XKR9: variants seen among roughly 807,000 people sequenced by gnomAD.
The protein encoded by XKR9 is XK related 9.
In XKR9, 32 loss-of-function variants were observed where a neutral mutation model predicts 32.0. That is an observed-to-expected ratio of 1.00 (90% CI 0.76 to 1.34). The LOEUF (loss-of-function observed/expected upper bound fraction) is 1.34, where lower values mean the gene tolerates loss of function less well. Ranked by LOEUF, XKR9 falls within the 40% of genes most tolerant of loss-of-function variation. XKR9 has a pLI of 0.00. For synonymous variants in XKR9, 168 were observed against 143.4 expected (o/e 1.17, Z -1.22); for missense variants, 546 against 429.7 (o/e 1.27, Z -2.39).
the XKR9 span, among the ~76,000 whole-genome samples, chr8:70,895,419 T>G: frequency 6.6e-6 from 1 of 152,204 alleles, no homozygotes; most frequent in Non-Finnish European, 1.5e-5. Context: ...TAATTGGCTC[T>G]CTTGCTGATG....
downstream of XKR9, among the ~76,000 whole-genome samples, chr8:70,738,689 C>T (rs1393164970): frequency 6.6e-6 from 1 of 151,970 alleles, no homozygotes; most frequent in Non-Finnish European, 1.5e-5. Flanking sequence ...TCGTTGGTTT[C>T]AAAGAACATC....
At position 70,733,885 on chromosome 8, in the gene XKR9, C is replaced by G. The variant is rs150221286; in HGVS notation, c.583C>G (p.Leu195Val). 1.9e-6 allele frequency: 3 copies of G among 1,611,374 alleles called. No individual in the cohort carries two copies. In the African/African-American group the frequency reaches 4.0e-5, roughly 22 times the overall value. Residue 195 changes from leucine to valine, a missense_variant, in exon 5 of 5, where the codon CTT becomes GTT. By Grantham distance (32) the Leu-to-Val change is conservative. Coordinates refer to ENST00000408926, the MANE Select transcript of XKR9 (RefSeq NM_001011720.2). ...ALRKSLPDKK[L>V]LNGLCPKITY... ...AAGAAAATCCTTGCCTGACAAAAAG[C>G]TTCTTAATGGATTATGTCCCAAAAT...
At chr8:70,845,867 C>G in the XKR9 span, among the ~76,000 whole-genome samples, 3 of 152,022 alleles carry the variant, frequency 2.0e-5, no homozygotes, top group African/African-American at 7.2e-5. Context: ...AGACCAAAGG[C>G]ATAGAAAATC....
chr8:70,957,849 A>G, the XKR9 span, among the ~76,000 whole-genome samples: 1 of 126,560 alleles, frequency 7.9e-6, no homozygotes, highest in Admixed American at 1.0e-4. Context: ...GTGCAGTGGC[A>G]TGATCTCGGC....
chr8:70,913,473 A>G, the XKR9 span, among the ~76,000 whole-genome samples: 1 of 152,148 alleles, frequency 6.6e-6, no homozygotes, highest in Non-Finnish European at 1.5e-5. Flanking sequence ...TACTCCCTCT[A>G]TGTATTTCTA....
At chr8:70,741,700 A>G (rs2130164176) in intron 2 of XKR9, among the ~76,000 whole-genome samples, 1 of 152,360 alleles carries the variant, frequency 6.6e-6, no homozygotes, top group East Asian at 1.9e-4. Context: ...TATTGTGAAT[A>G]GTGCAACAGT....
At position 70,669,368 on chromosome 8, in the gene XKR9, C is replaced by T. The variant is rs1818611024; in HGVS notation, c.-531C>T. On this transcript the variant is annotated 5_prime_UTR_variant, in exon 1 of 5. Coordinates refer to ENST00000408926, the MANE Select transcript of XKR9 (RefSeq NM_001011720.2). The stretch of plus-strand genomic sequence containing the variant: ...GTCACGTGACGCCGCGCGGGCTGCG[C>T]GGGCAGTGGTGGGAAGGCTGGCGCG... 2.1e-6 allele frequency: 1 copy of T among 477,056 alleles called. No individual in the cohort carries two copies. The highest frequency in any genetic ancestry group is 2.5e-5 in the South Asian group (1 of 39,742). The allele number at this position is 477,056 out of a possible 1,614,324, so 29.6% of individuals were successfully genotyped here. A position where few individuals can be genotyped will look rare whatever the true frequency, so the allele number is the denominator to read the frequency against.
chr8:70,800,574 C>T, the XKR9 span, among the ~76,000 whole-genome samples: 1 of 152,134 alleles, frequency 6.6e-6, no homozygotes, highest in African/African-American at 2.4e-5. Context: ...AAACCTTTGC[C>T]TCCTGGGCTC....
downstream of XKR9, among the ~76,000 whole-genome samples, chr8:70,795,034 A>C (rs1451213103): frequency 1.3e-5 from 2 of 151,860 alleles, no homozygotes; most frequent in African/African-American, 4.8e-5. Flanking sequence ...ATATAGATAA[A>C]CTTGTGTCAT....
At chr8:71,021,502 T>C in the XKR9 span, among the ~76,000 whole-genome samples, 9 of 119,846 alleles carry the variant, frequency 7.5e-5, no homozygotes, top group East Asian at 4.0e-4. Flanking sequence ...TGGTTTCTTT[T>C]TTTTTTTTTT....
At chr8:70,997,758 T>C in the XKR9 span, among the ~76,000 whole-genome samples, 3,318 of 152,144 alleles carry the variant, frequency 0.022, 134 homozygotes, top group African/African-American at 0.076. Context: ...CCCCAAACTA[T>C]TGAAATAAAT....
chr8:70,794,037 G>T (rs1240531771), downstream of XKR9, among the ~76,000 whole-genome samples: 1 of 151,904 alleles, frequency 6.6e-6, no homozygotes, highest in African/African-American at 2.4e-5. Flanking sequence ...TTTCAATGAA[G>T]TTTTGTAATT....
the XKR9 span, among the ~76,000 whole-genome samples, chr8:70,851,310 A>G: frequency 1.3e-5 from 2 of 152,368 alleles, no homozygotes; most frequent in African/African-American, 4.8e-5. Flanking sequence ...AAAATATTCC[A>G]TATTCATGGA....
At chr8:70,813,427 CA>C in the XKR9 span, among the ~76,000 whole-genome samples, 1 of 152,068 alleles carries the variant, frequency 6.6e-6, no homozygotes, top group Non-Finnish European at 1.5e-5. Flanking sequence ...CAACAAAAAC[CA>C]AAATTGACAA....
the XKR9 span, among the ~76,000 whole-genome samples, chr8:70,847,493 T>A: frequency 2.0e-5 from 3 of 151,674 alleles, no homozygotes; most frequent in Non-Finnish European, 2.9e-5. Flanking sequence ...AGAGTATAAT[T>A]AAACAAAACA....
At chr8:70,936,233 G>T in the XKR9 span, among the ~76,000 whole-genome samples, 5 of 152,008 alleles carry the variant, frequency 3.3e-5, no homozygotes, top group Non-Finnish European at 7.4e-5. Context: ...CTAATAGAAG[G>T]CTTTGTGTTG....
chr8:70,731,427 G>A (rs1806660294), intron 4 of XKR9, among the ~76,000 whole-genome samples: 1 of 152,032 alleles, frequency 6.6e-6, no homozygotes, highest in African/African-American at 2.4e-5. Flanking sequence ...CCATAGCTGT[G>A]GGGTTCAAGC....
At chr8:71,004,529 T>C in the XKR9 span, among the ~76,000 whole-genome samples, 1 of 152,194 alleles carries the variant, frequency 6.6e-6, no homozygotes, top group African/African-American at 2.4e-5. Context: ...GGAGATAGAT[T>C]TGTAAGCAGC....
At chr8:70,979,544 G>C in the XKR9 span, among the ~76,000 whole-genome samples, 1 of 152,220 alleles carries the variant, frequency 6.6e-6, no homozygotes, top group South Asian at 2.1e-4. Flanking sequence ...TCCAGACTCT[G>C]TTTTCCTGGG....
Sources: gnomAD v4.1 joint callset for allele counts (sites outside exome capture counted in the v4.1 genomes callset) on GRCh38, gnomAD v4.1.1 for gene constraint, MANE v1.5 for transcripts, NCBI Gene and HGNC (gene_info 2026-07-23, HGNC 2026-07-21) for gene names.